Variants in ITIH3 observed in about 807,000 individuals in gnomAD.
ITIH3 encodes the protein inter-alpha-trypsin inhibitor heavy chain 3.
In ITIH3, 81 loss-of-function variants were observed where a neutral mutation model predicts 96.5. The observed-to-expected ratio is 0.84, with a 90% CI of 0.70 to 1.01. The LOEUF is 1.01. ITIH3 is among the 50% of genes least tolerant of loss of function. ITIH3 has a pLI of 0.00. For missense variants in ITIH3, 1,057 were observed against 1,139.3 expected (o/e 0.93, Z 1.04); for synonymous variants, 422 against 445.2 (o/e 0.95, Z 0.66).
At position 52,807,001 on chromosome 3, in the gene ITIH3, GA is replaced by G. The variant is rs1700078759; in HGVS notation, c.2158del (p.Met720TrpfsTer7). ...GAAAACTGGGCATCGCCAATGCTCA[GA>G]TGGACTTCCAGGTGGAGGTGACAAC... is the stretch of plus-strand genomic sequence containing the variant. ...FGKLGIANAQ[M>X]DFQVEVTTEK... On this transcript the variant is annotated frameshift_variant, in exon 19 of 22. Transcript: ENST00000449956. LOFTEE classifies it high-confidence loss of function. The G allele has an allele frequency of 6.2e-7, 1 of 1,600,086 alleles. No individual in the cohort carries two copies. Among genetic ancestry groups the G allele is most frequent in the African/African-American group, 1.3e-5 (1 of 74,632 alleles).
rs757753126 is a variant in ITIH3, at chr3:52,802,316, G to A, written c.1384-18G>A. 5 of 1,612,738 alleles carry A rather than the reference G, an allele frequency of 3.1e-6. No homozygotes were observed. Among genetic ancestry groups the A allele is most frequent in the Non-Finnish European group, 4.2e-6 (5 of 1,179,382 alleles). On this transcript the variant is annotated intron_variant, in intron 11 of 21. Transcript: ENST00000449956. ...CCTGACCTGGGGCTTGAGATGACTGGCCCCGTGCGAACTTCAGGGCTTCTA... is the reference window on the plus strand; with the variant it reads ...CCTGACCTGGGGCTTGAGATGACTGACCCCGTGCGAACTTCAGGGCTTCTA...
chr3:52,800,099 C>T lies in ITIH3; in HGVS notation c.1075+178C>T, dbSNP rs574149262. 6.6e-5 allele frequency among the ~76,000 whole-genome samples: 10 copies of T among 152,280 alleles called. No individual in the cohort carries two copies. The East Asian group carries it at 1.5e-3, about 24-fold the overall frequency. On this transcript the variant is annotated intron_variant, in intron 9 of 21. Coordinates refer to ENST00000449956, the MANE Select transcript of ITIH3 (RefSeq NM_002217.4). The stretch of plus-strand genomic sequence containing the variant: ...AAGACAGAATATCGGCTGTCTTCTC[C>T]GTGGTCCAGGGAAACCCATTCTTTC...
rs780953381 is a variant in ITIH3, at chr3:52,797,819, C to A, written c.552C>A (p.Ile184=). Residue 184 remains isoleucine, a splice_region_variant and synonymous_variant, in exon 6 of 22, where the codon ATC becomes ATA. Transcript: ENST00000449956. The part of the protein sequence containing the change: ...QPKQLVKHFE[I]EVDIFEPQGI... ...TTTCCTTACTTTGGCCATTTCAGATCGAGGTAGACATCTTCGAGCCTCAGG... is the reference window on the plus strand; with the variant it reads ...TTTCCTTACTTTGGCCATTTCAGATAGAGGTAGACATCTTCGAGCCTCAGG... 4 of 1,594,356 alleles carry A rather than the reference C, an allele frequency of 2.5e-6. No individual in the cohort carries two copies. In the African/African-American group the frequency reaches 4.0e-5, roughly 16 times the overall value.
chr3:52,802,258 G>A (rs1699858174), intron 11 of ITIH3, 76 bp from the exon 12 acceptor site: 3 of 1,495,392 alleles, frequency 2.0e-6, no homozygotes, highest in Middle Eastern at 1.8e-4. Flanking sequence ...CCAGCCCTGG[G>A]GCATGGATGC....
In ITIH3 at chr3:52,798,961, C is replaced by G. The variant is rs756792864; in HGVS notation, c.664-5C>G. 6.2e-7 allele frequency: 1 copy of G among 1,612,754 alleles called. No homozygotes were observed. Among genetic ancestry groups the G allele is most frequent in the East Asian group, 2.2e-5 (1 of 44,854 alleles). On this transcript the variant is annotated splice_polypyrimidine_tract_variant and splice_region_variant and intron_variant, in intron 6 of 21. Transcript: ENST00000449956. ...TGAGCAAGGTCTTTCATCTCCATCCCTTAGGGCCATGTGTCCTTCAAGCCC... is the reference window on the plus strand; with the variant it reads ...TGAGCAAGGTCTTTCATCTCCATCCGTTAGGGCCATGTGTCCTTCAAGCCC...
rs200544958 is a variant in ITIH3 at position 52,800,658 on chromosome 3, A to G, written c.1196A>G (p.Asn399Ser). The G allele has an allele frequency of 3.7e-5, 59 of 1,598,572 alleles. No homozygotes were observed. The Admixed American group carries it at 6.6e-4, about 18-fold the overall frequency. Residue 399 changes from asparagine (N) to serine (S), a missense_variant, in exon 10 of 22, where the codon AAT (asparagine) becomes AGT (serine). Coordinates refer to ENST00000449956, the MANE Select transcript of ITIH3 (RefSeq NM_002217.4). ...ATCATGCTGACTGATGGGGATGCCA[A>G]TGTTGGTGAGGAGCACGGGCATGGT... is the stretch of plus-strand genomic sequence containing the variant. ...IVIMLTDGDANVGESRPEKIQ... is the reference protein window; with the variant it reads ...IVIMLTDGDASVGESRPEKIQ...
chr3:52,798,971 T>A lies in ITIH3; in HGVS notation c.669T>A (p.His223Gln). The A allele has an allele frequency of 6.2e-7, 1 of 1,613,216 alleles. No homozygotes were observed. Among genetic ancestry groups the A allele is most frequent in the Non-Finnish European group, 8.5e-7 (1 of 1,179,592 alleles). The stretch of plus-strand genomic sequence containing the variant: ...CTTTCATCTCCATCCCTTAGGGCCA[T>A]GTGTCCTTCAAGCCCAGCTTAGACC... ...LTKSFSGKKGHVSFKPSLDQQ... is the reference protein window; with the variant it reads ...LTKSFSGKKGQVSFKPSLDQQ... The change falls in exon 7 of 22, where the codon CAT becomes CAA. Residue 223 changes from histidine to glutamine, a missense_variant. Transcript: ENST00000449956.
At chr3:52,806,272 C>G in intron 17 of ITIH3, 21 bp from the exon 18 acceptor site, 1 of 1,610,244 alleles carries the variant, frequency 6.2e-7, no homozygotes, top group Non-Finnish European at 8.5e-7. Context: ...GGAGTCAGCT[C>G]CTTCTCTAAT....
chr3:52,800,877 T>A (rs1391136445), intron 10 of ITIH3, 88 bp from the exon 11 acceptor site: 1 of 1,540,266 alleles, frequency 6.5e-7, no homozygotes, highest in Non-Finnish European at 8.9e-7. Context: ...CAACTCTGCA[T>A]GTGCAGGAGT....
chr3:52,797,200 A>C lies in ITIH3; in HGVS notation c.482A>C (p.Lys161Thr), dbSNP rs779808384. 1 of 1,609,130 alleles carries C rather than the reference A, an allele frequency of 6.2e-7. No individual in the cohort carries two copies. The highest frequency in any genetic ancestry group is 1.1e-5 in the South Asian group (1 of 89,830). ...TFELTYEELL[K>T]RHKGKYEMYL... ...GAGCTAACCTACGAGGAGCTGCTGAAGAGGCACAAGGGCAAGTACGAGATG... is the reference window on the plus strand; with the variant it reads ...GAGCTAACCTACGAGGAGCTGCTGACGAGGCACAAGGGCAAGTACGAGATG... Residue 161 changes from lysine to threonine, a missense_variant, in exon 5 of 22, where the codon AAG becomes ACG. Physicochemically the swap from Lys to Thr is moderately conservative, Grantham distance 78. Transcript: ENST00000449956.
chr3:52,806,526 A>G (rs1404509795), intron 18 of ITIH3, 120 bp downstream of exon 18: 11 of 750,896 alleles, frequency 1.5e-5, no homozygotes, highest in Non-Finnish European at 2.3e-5. Context: ...CTTCACATGC[A>G]AAGAAACCCC....
chr3:52,805,562 C>T (rs1325641742), intron 15 of ITIH3: 5 of 1,332,558 alleles, frequency 3.8e-6, no homozygotes, highest in African/African-American at 1.5e-5. Context: ...TAATGGCTTG[C>T]ATTTCAGCCA....
intron 5 of ITIH3, 49 bp downstream of exon 5, chr3:52,797,316 A>G: frequency 6.4e-7 from 1 of 1,555,436 alleles, no homozygotes; most frequent in Non-Finnish European, 8.7e-7. Flanking sequence ...GGGGTGCAGG[A>G]ACCCGCCCAT....
intron 5 of ITIH3, 69 bp downstream of exon 5, chr3:52,797,336 TCAGA>T: frequency 1.3e-6 from 2 of 1,488,264 alleles, no homozygotes; most frequent in Non-Finnish European, 1.8e-6. Flanking sequence ...TGGGGCAGTC[TCAGA>T]CAGGGGTCAA....
Position 52,799,910 on chromosome 3 carries a change from A to G in ITIH3, c.1064A>G (p.Glu355Gly). Reference sequence around the variant, plus strand: ...GCCAGGACGTTTGTGAAGAGCATGGAGGATAAAGGAAGTAAGAGCGGAGCT... The same window carrying G: ...GCCAGGACGTTTGTGAAGAGCATGGGGGATAAAGGAAGTAAGAGCGGAGCT... ...QEARTFVKSM[E>G]DKGMTNINDG... The change falls in exon 9 of 22, where the codon GAG (glutamate) becomes GGG (glycine). Residue 355 changes from glutamate to glycine, a missense_variant. By Grantham distance (98) the Glu-to-Gly change is moderately conservative. Coordinates refer to ENST00000449956, the MANE Select transcript of ITIH3 (RefSeq NM_002217.4). 2 of 1,613,564 alleles carry G rather than the reference A, an allele frequency of 1.2e-6. No homozygotes were observed. Among genetic ancestry groups the G allele is most frequent in the Non-Finnish European group, 1.7e-6 (2 of 1,179,678 alleles).
In ITIH3 at chr3:52,807,824, AG is replaced by A. The variant is rs1332086457; in HGVS notation, c.2341del (p.Val781CysfsTer12). The A allele has an allele frequency of 6.2e-7, 1 of 1,611,732 alleles. No homozygotes were observed. ...GTTACCTTCGTGGTCGTCCTACACC[AG>A]GTGTGGAAGAAACATCCTGTCCACC... ...DGVTFVVVLHQVWKKHPVHRD... is the reference protein window; with the variant it reads ...DGVTFVVVLHXVWKKHPVHRD... On this transcript the variant is annotated frameshift_variant, in exon 20 of 22. Transcript: ENST00000449956. LOFTEE classifies it high-confidence loss of function.
In ITIH3 at chr3:52,808,750, AG is replaced by A. The variant is rs1700145754; in HGVS notation, c.*73del. ...TGGCATCTGGAACATGGGCACAGAG[AG>A]GGGCCTGTGGGAGGGGCTGGGAAAA... On this transcript the variant is annotated 3_prime_UTR_variant, in exon 22 of 22. Transcript: ENST00000449956. 5 of 1,568,720 alleles carry A rather than the reference AG, an allele frequency of 3.2e-6. No individual in the cohort carries two copies. The East Asian group carries it at 1.1e-4, about 36-fold the overall frequency.
chr3:52,796,815 T>C lies in ITIH3; in HGVS notation c.358T>C (p.Ser120Pro). The C allele has an allele frequency of 6.2e-7, 1 of 1,611,876 alleles. No homozygotes were observed. Among genetic ancestry groups the C allele is most frequent in the Non-Finnish European group, 8.5e-7 (1 of 1,179,146 alleles). The part of the protein sequence containing the change: ...VAKKQYEKAV[S>P]QGKTAGLVKA... ...CAAGAAGCAGTATGAAAAGGCTGTG[T>C]CCCAGGGCAAGACGGCCGGCTTGGT... The change falls in exon 4 of 22, where the codon TCC becomes CCC. Residue 120 changes from serine (S) to proline (P), a missense_variant. Physicochemically the swap from Ser to Pro is moderately conservative, Grantham distance 74. Coordinates refer to ENST00000449956, the MANE Select transcript of ITIH3 (RefSeq NM_002217.4).
At chr3:52,799,281 G>T in intron 7 of ITIH3, 91 bp from the exon 8 acceptor site, 1 of 1,205,120 alleles carries the variant, frequency 8.3e-7, no homozygotes, top group South Asian at 1.5e-5. Context: ...CTTTTTCTTG[G>T]GCTGGTAAAT....
Sources: gnomAD v4.1 joint callset for allele counts (sites outside exome capture counted in the v4.1 genomes callset) on GRCh38, gnomAD v4.1.1 for gene constraint, MANE v1.5 for transcripts, NCBI Gene and HGNC (gene_info 2026-07-23, HGNC 2026-07-21) for gene names.